Variants in LPAR2 observed in about 807,000 individuals in gnomAD.
LPAR2 encodes the protein lysophosphatidic acid receptor 2, also known as G protein-coupled receptor.
Under a neutral mutation model 15.6 loss-of-function variants are expected in LPAR2, and 10 were observed. The ratio of observed to expected loss-of-function variants is 0.64; its 90% confidence interval spans 0.39 to 1.09. The LOEUF (loss-of-function observed/expected upper bound fraction) is 1.09, where lower values mean the gene tolerates loss of function less well. Among genes scored for constraint, LPAR2 ranks in the 50% least tolerant of loss-of-function variants. The pLI is 0.01. For synonymous variants in LPAR2, 204 were observed against 207.4 expected (o/e 0.98, Z 0.14); for missense variants, 413 against 484.6 (o/e 0.85, Z 1.39).
intron 2 of LPAR2, among the ~76,000 whole-genome samples, chr19:19,625,174 T>C (rs1430086814): frequency 1.3e-5 from 2 of 151,976 alleles, no homozygotes; most frequent in Non-Finnish European, 2.9e-5. Flanking sequence ...TGGAGTGCAG[T>C]GGCACGATCA....
chr19:19,624,389 C>T lies in LPAR2; in HGVS notation c.923G>A (p.Arg308His), dbSNP rs774060948. The stretch of plus-strand genomic sequence containing the variant: ...GCGGAGGCACGCGCAGCAGAGAAGG[C>T]GGCGGAAGGTGCGGCGCATCTCAGC... The change falls in exon 3 of 3, where the codon CGC becomes CAC. Residue 308 changes from arginine to histidine, a missense_variant. Arg to His is a conservative substitution (Grantham distance 29). Transcript: ENST00000407877. 18 of 1,614,016 alleles carry T rather than the reference C, an allele frequency of 1.1e-5. No homozygotes were observed. The highest frequency in any genetic ancestry group is 6.7e-5 in the African/African-American group (5 of 74,906).
chr19:19,627,998 C>T lies in LPAR2; in HGVS notation c.-1+94G>A, dbSNP rs994405430. 1.3e-5 allele frequency: 2 copies of T among 152,638 alleles called. No homozygotes were observed. Among genetic ancestry groups the T allele is most frequent in the Non-Finnish European group, 2.9e-5 (2 of 68,402 alleles). The allele number at this position is 152,638 out of a possible 1,614,324, so 9.5% of individuals were successfully genotyped here. A position where few individuals can be genotyped will look rare whatever the true frequency, so the allele number is the denominator to read the frequency against. Reference sequence around the variant, plus strand: ...GGGAAGGGGTAGGGGGTTAAGGGATCAGAGGGCGGCGTCCTGGCCCCGCAG... The same window carrying T: ...GGGAAGGGGTAGGGGGTTAAGGGATTAGAGGGCGGCGTCCTGGCCCCGCAG... On this transcript the variant is annotated intron_variant, in intron 1 of 2. Transcript: ENST00000407877. The surrounding 1 kb of genome is among the most constrained non-coding windows in gnomAD (Gnocchi z 4.7).
chr19:19,625,782 CA>C (rs34230172), intron 2 of LPAR2, among the ~76,000 whole-genome samples: 204 of 76,350 alleles, frequency 2.7e-3, no homozygotes, highest in Middle Eastern at 0.02. Context: ...GACTCTGTCT[CA>C]AAAAAAAAAA....
chr19:19,624,972 C>T (rs530076186), intron 2 of LPAR2, among the ~76,000 whole-genome samples: 1 of 152,030 alleles, frequency 6.6e-6, no homozygotes, highest in East Asian at 1.9e-4. Context: ...TGCCACCATG[C>T]CCGGCTATAT....
intron 2 of LPAR2, among the ~76,000 whole-genome samples, chr19:19,624,787 TTTTGTGTGTGTGTGTGTG>T (rs1568405548): frequency 7.8e-6 from 1 of 127,568 alleles, no homozygotes; most frequent in Non-Finnish European, 1.6e-5. Context: ...GCACTGGACA[TTTTGTGTGTGTGTGTGTG>T]TGTGTGTGTG....
Position 19,626,589 on chromosome 19 carries a change from G to A in LPAR2, c.696C>T (p.Tyr232=), listed in dbSNP as rs772232246. The change falls in exon 2 of 3, where the codon TAC becomes TAT. Residue 232 remains tyrosine (Y), a synonymous_variant. Transcript: ENST00000407877. This position sits in a 1 kb window ranked among gnomAD's most constrained non-coding sequence, Gnocchi z 5.3. ...TGACCAGGCTGAGCGTGGTCTCTCG[G>A]TAGCGGGGGTGGCAGCTGACATGCT... The A allele has an allele frequency of 1.3e-4, 208 of 1,612,776 alleles. No homozygotes were observed. The highest frequency in any genetic ancestry group is 1.8e-4 in the Non-Finnish European group (208 of 1,179,838).
At position 19,626,101 on chromosome 19, in the gene LPAR2, G is replaced by C. The variant is rs1426218835; in HGVS notation, c.742+442C>G. On this transcript the variant is annotated intron_variant, in intron 2 of 2. Coordinates refer to ENST00000407877, the MANE Select transcript of LPAR2 (RefSeq NM_004720.7). This position sits in a 1 kb window ranked among gnomAD's most constrained non-coding sequence, Gnocchi z 5.3. Reference sequence around the variant, plus strand: ...TTTCTCCATGTTGGTCAGGCTGGTCGTGAACTCCCAACCTCAGCTGATCTG... The same window carrying C: ...TTTCTCCATGTTGGTCAGGCTGGTCCTGAACTCCCAACCTCAGCTGATCTG... 6.6e-6 allele frequency among the ~76,000 whole-genome samples: 1 copy of C among 151,924 alleles called. No homozygotes were observed. The highest frequency in any genetic ancestry group is 2.4e-5 in the African/African-American group (1 of 41,376).
Position 19,624,253 on chromosome 19 carries a change from T to C in LPAR2, c.*3A>G. On this transcript the variant is annotated 3_prime_UTR_variant, in exon 3 of 3. Coordinates refer to ENST00000407877, the MANE Select transcript of LPAR2 (RefSeq NM_004720.7). ...TGCCGCGTACCGCTGAAGTTCAAGG[T>C]AGCTAAAGGGTGGAGTCCATCAGTG... The C allele has an allele frequency of 6.3e-7, 1 of 1,599,590 alleles. No individual in the cohort carries two copies. The highest frequency in any genetic ancestry group is 8.6e-7 in the Non-Finnish European group (1 of 1,169,422).
Position 19,624,321 on chromosome 19 carries a change from C to T in LPAR2, c.991G>A (p.Gly331Arg). ...AGCATGATGCGAGTGCTGGCACCTC[C>T]CTGGGCAGAGGATGTATAGTGGACA... Residue 331 changes from glycine to arginine, a missense_variant, in exon 3 of 3, where the codon GGA becomes AGA. Gly to Arg is a moderately radical substitution (Grantham distance 125). Coordinates refer to ENST00000407877, the MANE Select transcript of LPAR2 (RefSeq NM_004720.7). 2.5e-6 allele frequency: 4 copies of T among 1,614,132 alleles called. No individual in the cohort carries two copies. The highest frequency in any genetic ancestry group is 2.5e-6 in the Non-Finnish European group (3 of 1,179,998).
chr19:19,624,392 C>T lies in LPAR2; in HGVS notation c.920G>A (p.Arg307His), dbSNP rs145570005. Residue 307 changes from arginine (R) to histidine (H), a missense_variant, in exon 3 of 3, where the codon CGC (arginine) becomes CAC (histidine). Coordinates refer to ENST00000407877, the MANE Select transcript of LPAR2 (RefSeq NM_004720.7). ...GAGGCACGCGCAGCAGAGAAGGCGG[C>T]GGAAGGTGCGGCGCATCTCAGCATC... The T allele has an allele frequency of 5.6e-5, 90 of 1,614,140 alleles. No individual in the cohort carries two copies. In the African/African-American group the frequency reaches 6.8e-4, roughly 12 times the overall value.
chr19:19,625,170 G>A (rs1382746531), intron 2 of LPAR2, among the ~76,000 whole-genome samples: 2 of 151,986 alleles, frequency 1.3e-5, no homozygotes, highest in Non-Finnish European at 2.9e-5. Context: ...AGGCTGGAGT[G>A]CAGTGGCACG....
chr19:19,625,483 T>C (rs924799002), intron 2 of LPAR2, among the ~76,000 whole-genome samples: 3 of 151,798 alleles, frequency 2.0e-5, no homozygotes, highest in African/African-American at 7.3e-5. Flanking sequence ...CAAAAATAAA[T>C]TTTGAAATTT....
At position 19,626,565 on chromosome 19, in the gene LPAR2, G is replaced by T; in HGVS notation, c.720C>A (p.Val240=). ...TACCCAGGATGATGACAACAGTCTT[G>T]ACCAGGCTGAGCGTGGTCTCTCGGT... Residue 240 remains valine, a synonymous_variant, in exon 2 of 3, where the codon GTC becomes GTA. Coordinates refer to ENST00000407877, the MANE Select transcript of LPAR2 (RefSeq NM_004720.7). The surrounding 1 kb of genome is among the most constrained non-coding windows in gnomAD (Gnocchi z 5.3). 1 of 1,609,350 alleles carries T rather than the reference G, an allele frequency of 6.2e-7. No individual in the cohort carries two copies. Among genetic ancestry groups the T allele is most frequent in the South Asian group, 1.1e-5 (1 of 90,484 alleles).
intron 2 of LPAR2, among the ~76,000 whole-genome samples, chr19:19,625,874 C>CT (rs545532352): frequency 0.49 from 63,708 of 129,812 alleles, 16,117 homozygotes; most frequent in South Asian, 0.55. Flanking sequence ...CTAAAAACTC[C>CT]TTTTTTTTTT....
At chr19:19,625,545 GAGGCCA>G (rs2061735364) in intron 2 of LPAR2, among the ~76,000 whole-genome samples, 1 of 151,914 alleles carries the variant, frequency 6.6e-6, no homozygotes, top group African/African-American at 2.4e-5. Context: ...AGCACTTTGG[GAGGCCA>G]AGGCGGGTGG....
rs749641705 is a variant in LPAR2 at position 19,627,113 on chromosome 19, C to G, written c.172G>C (p.Ala58Pro). The G allele has an allele frequency of 1.1e-5, 17 of 1,611,744 alleles. No homozygotes were observed. The highest frequency in any genetic ancestry group is 5.0e-5 in the Admixed American group (3 of 59,798). ...GGCTGGTGGAAGCGGCGGTTGGAGG[C>G]GATGGCTGCTATGACCAGCAGATTG... The change falls in exon 2 of 3, where the codon GCC (alanine) becomes CCC (proline). Residue 58 changes from alanine (A) to proline (P), a missense_variant. Ala to Pro is a conservative substitution (Grantham distance 27, BLOSUM62 -1). Coordinates refer to ENST00000407877, the MANE Select transcript of LPAR2 (RefSeq NM_004720.7). The surrounding 1 kb of genome is among the most constrained non-coding windows in gnomAD (Gnocchi z 4.7).
intron 2 of LPAR2, among the ~76,000 whole-genome samples, chr19:19,625,165 G>A (rs557299906): frequency 6.6e-6 from 1 of 151,948 alleles, no homozygotes; most frequent in African/African-American, 2.4e-5. Flanking sequence ...CACCTAGGCT[G>A]GAGTGCAGTG....
In LPAR2 at chr19:19,627,995, G is replaced by C. The variant is rs1370302523; in HGVS notation, c.-1+97C>G. 6.6e-6 allele frequency: 1 copy of C among 152,636 alleles called. No homozygotes were observed. The highest frequency in any genetic ancestry group is 1.5e-5 in the Non-Finnish European group (1 of 68,410). The allele number at this position is 152,636 out of a possible 1,614,324, so 9.5% of individuals were successfully genotyped here. ...CTGGGGAAGGGGTAGGGGGTTAAGG[G>C]ATCAGAGGGCGGCGTCCTGGCCCCG... On this transcript the variant is annotated intron_variant, in intron 1 of 2. Coordinates refer to ENST00000407877, the MANE Select transcript of LPAR2 (RefSeq NM_004720.7). The surrounding 1 kb of genome is among the most constrained non-coding windows in gnomAD (Gnocchi z 4.7).
intron 2 of LPAR2, among the ~76,000 whole-genome samples, chr19:19,625,865 T>C (rs1305948596): frequency 7.2e-6 from 1 of 139,386 alleles, no homozygotes; most frequent in Non-Finnish European, 1.5e-5. Context: ...TTAGCACTGC[T>C]AAAAACTCCT....
Sources: gnomAD v4.1 joint callset for allele counts (sites outside exome capture counted in the v4.1 genomes callset) on GRCh38, gnomAD v4.1.1 for gene constraint, Gnocchi (gnomAD v3.1) non-coding constraint, MANE v1.5 for transcripts, NCBI Gene and HGNC (gene_info 2026-07-23, HGNC 2026-07-21) for gene names.